MACROD2: variants seen among roughly 807,000 people sequenced by gnomAD.
The protein encoded by MACROD2 is mono-ADP ribosylhydrolase 2.
Under a neutral mutation model 70.4 loss-of-function variants are expected in MACROD2, and 36 were observed. That is an observed-to-expected ratio of 0.51 (90% CI 0.39 to 0.68). The LOEUF (loss-of-function observed/expected upper bound fraction) is 0.68. Ranked by LOEUF, MACROD2 falls within the 30% of genes least tolerant of loss-of-function variation. MACROD2 has a pLI of 0.00. For synonymous variants in MACROD2, 172 were observed against 178.8 expected, an observed-to-expected ratio of 0.96 and a Z score of 0.30; for missense variants, 496 against 538.4, an observed-to-expected ratio of 0.92 and a Z score of 0.78.
intron 8 of MACROD2, among the ~76,000 whole-genome samples, chr20:15,571,131 G>C (rs566695790): frequency 6.6e-6 from 1 of 152,088 alleles, no homozygotes; most frequent in Admixed American, 6.6e-5. Context: ...TACAATTGTA[G>C]GTCAATACAG....
intron 2 of MACROD2, among the ~76,000 whole-genome samples, chr20:14,044,807 C>T (rs551719234): frequency 6.6e-6 from 1 of 152,358 alleles, no homozygotes; most frequent in East Asian, 1.9e-4. Flanking sequence ...GAGCTGCCTG[C>T]CACTTCTGTG....
chr20:14,443,843 G>C (rs2084153907), intron 3 of MACROD2, among the ~76,000 whole-genome samples: 1 of 152,058 alleles, frequency 6.6e-6, no homozygotes, highest in African/African-American at 2.4e-5. Flanking sequence ...ATAATCACAG[G>C]TCCTGCCTTG....
At chr20:15,654,505 C>T (rs1464213260) in intron 8 of MACROD2, among the ~76,000 whole-genome samples, 1 of 152,150 alleles carries the variant, frequency 6.6e-6, no homozygotes, top group East Asian at 1.9e-4. Context: ...CAATTACAAG[C>T]CAAAGTAGAT....
chr20:14,555,467 G>A (rs2123275686), intron 4 of MACROD2, among the ~76,000 whole-genome samples: 1 of 152,050 alleles, frequency 6.6e-6, no homozygotes, highest in South Asian at 2.1e-4. Flanking sequence ...TTCTGAGCCA[G>A]GTACTGGCTC....
chr20:16,001,182 T>A (rs1250818728), intron 15 of MACROD2, among the ~76,000 whole-genome samples: 1 of 152,224 alleles, frequency 6.6e-6, no homozygotes, highest in Non-Finnish European at 1.5e-5. Flanking sequence ...GGTGCCTTCA[T>A]TTCAGCACAG....
At chr20:15,092,108 C>T (rs1680825768) in intron 5 of MACROD2, among the ~76,000 whole-genome samples, 1 of 151,912 alleles carries the variant, frequency 6.6e-6, no homozygotes, top group African/African-American at 2.4e-5. Context: ...TCTTTTTTCT[C>T]CTAATAAAAT....
At chr20:14,346,672 G>A (rs1334688154) in intron 3 of MACROD2, among the ~76,000 whole-genome samples, 3 of 152,158 alleles carry the variant, frequency 2.0e-5, no homozygotes, top group African/African-American at 7.2e-5. Context: ...AGGAGGAATG[G>A]GTGGTGATGT....
At chr20:14,965,305 G>T (rs2074622561) in intron 5 of MACROD2, among the ~76,000 whole-genome samples, 1 of 151,914 alleles carries the variant, frequency 6.6e-6, no homozygotes, top group African/African-American at 2.4e-5. Context: ...TCTGAAACTA[G>T]TTGTTCATGG....
chr20:15,252,317 C>T (rs2077162734), intron 6 of MACROD2, among the ~76,000 whole-genome samples: 1 of 152,136 alleles, frequency 6.6e-6, no homozygotes, highest in African/African-American at 2.4e-5. Context: ...TCAGGATAGC[C>T]TAAGTCATGC....
chr20:15,700,857 T>C (rs2050447560), intron 8 of MACROD2, among the ~76,000 whole-genome samples: 1 of 152,226 alleles, frequency 6.6e-6, no homozygotes, highest in African/African-American at 2.4e-5. Context: ...GAGACAAAAG[T>C]TAGCATGTAT....
At chr20:15,754,441 G>A (rs550219537) in intron 8 of MACROD2, among the ~76,000 whole-genome samples, 3 of 152,182 alleles carry the variant, frequency 2.0e-5, no homozygotes, top group South Asian at 2.1e-4. Flanking sequence ...TGGCCAACAT[G>A]GTGAAACCCC....
At chr20:15,645,279 A>G (rs1186724422) in intron 8 of MACROD2, among the ~76,000 whole-genome samples, 1 of 152,168 alleles carries the variant, frequency 6.6e-6, no homozygotes, top group Non-Finnish European at 1.5e-5. Context: ...CAGAGCCCTG[A>G]GACTCTCAAT....
intron 8 of MACROD2, among the ~76,000 whole-genome samples, chr20:15,766,610 C>G (rs1450162500): frequency 1.3e-5 from 2 of 151,820 alleles, no homozygotes; most frequent in African/African-American, 4.8e-5. Context: ...GGGTGGTCAA[C>G]AAAAAAAGAT....
intron 3 of MACROD2, among the ~76,000 whole-genome samples, chr20:14,348,268 CAAAA>C (rs545110146): frequency 1.1e-4 from 8 of 73,986 alleles, no homozygotes; most frequent in African/African-American, 3.6e-4. Flanking sequence ...GACTCCGTCT[CAAAA>C]AAAAAAAAAT....
At chr20:14,294,955 C>T (rs552879159) in intron 3 of MACROD2, among the ~76,000 whole-genome samples, 2 of 151,652 alleles carry the variant, frequency 1.3e-5, no homozygotes, top group African/African-American at 4.9e-5. Context: ...AGAAACACTA[C>T]TTCTGTGTCA....
At chr20:15,894,772 T>C (rs1037922738) in intron 10 of MACROD2, among the ~76,000 whole-genome samples, 2 of 152,240 alleles carry the variant, frequency 1.3e-5, no homozygotes, top group African/African-American at 4.8e-5. Flanking sequence ...ACTGCCCTAA[T>C]TCAGTGAAAT....
intron 5 of MACROD2, among the ~76,000 whole-genome samples, chr20:15,139,967 TTGA>T (rs2076179492): frequency 6.6e-6 from 1 of 152,212 alleles, no homozygotes. Context: ...ATACTGATCC[TTGA>T]TGATGGGTAT....
At chr20:15,591,153 G>C (rs392064) in intron 8 of MACROD2, among the ~76,000 whole-genome samples, 130,136 of 152,120 alleles carry the variant, frequency 0.86, 55,779 homozygotes, top group African/African-American at 0.91. Flanking sequence ...GATTTGAGCG[G>C]TACCTTTCTG....
chr20:14,354,587 T>C (rs991488589), intron 3 of MACROD2, among the ~76,000 whole-genome samples: 2 of 152,156 alleles, frequency 1.3e-5, no homozygotes, highest in Admixed American at 6.5e-5. Context: ...CTTTCCCCCA[T>C]ATATGTAGAA....
Sources: gnomAD v4.1 joint callset for allele counts (sites outside exome capture counted in the v4.1 genomes callset) on GRCh38, gnomAD v4.1.1 for gene constraint, MANE v1.5 for transcripts, NCBI Gene and HGNC (gene_info 2026-07-23, HGNC 2026-07-21) for gene names.